The following SRGAP2 variants were observed in gnomAD, a reference collection of about 807,000 sequenced individuals.
SRGAP2 encodes SLIT-ROBO Rho GTPase-activating protein 2.
SRGAP2 carries 15 observed loss-of-function variants against 57.2 expected under a neutral mutation model. That is an observed-to-expected ratio of 0.26 (90% CI 0.18 to 0.40). The LOEUF (loss-of-function observed/expected upper bound fraction) is 0.40, where lower values mean the gene tolerates loss of function less well. Ranked by LOEUF, SRGAP2 falls within the 10% of genes least tolerant of loss-of-function variation. The pLI is 1.00. For synonymous variants in SRGAP2, 249 were observed against 248.0 expected (o/e 1.00, Z -0.04); for missense variants, 520 against 669.6 (o/e 0.78, Z 2.47).
chr1:206,247,657 AG>A (rs1306402443), intron 2 of SRGAP2, among the ~76,000 whole-genome samples: 2 of 135,974 alleles, frequency 1.5e-5, no homozygotes, highest in Non-Finnish European at 3.2e-5. Context: ...AATTAGTCCA[AG>A]GTCACATCAA....
intron 2 of SRGAP2, among the ~76,000 whole-genome samples, chr1:206,244,981 TTGAC>T (rs1245695123): frequency 3.4e-5 from 5 of 148,434 alleles, no homozygotes; most frequent in Non-Finnish European, 6.0e-5. Context: ...ACTGTGTACT[TTGAC>T]TGTTCAAGAT....
intron 2 of SRGAP2, among the ~76,000 whole-genome samples, chr1:206,284,688 G>GTCC (rs1449298453): frequency 5.9e-5 from 9 of 152,224 alleles, no homozygotes; most frequent in African/African-American, 1.9e-4. Context: ...ACTTCAAGTG[G>GTCC]TCCTCCCGCT....
intron 2 of SRGAP2, among the ~76,000 whole-genome samples, chr1:206,208,920 T>C (rs1666130164): frequency 6.6e-6 from 1 of 152,030 alleles, no homozygotes; most frequent in Non-Finnish European, 1.5e-5. Context: ...ATGACTTGTC[T>C]GAGCCTCAGT....
chr1:206,410,996 G>A (rs868965050), intron 10 of SRGAP2, among the ~76,000 whole-genome samples: 4 of 152,348 alleles, frequency 2.6e-5, no homozygotes, highest in African/African-American at 7.2e-5. Context: ...AAGTAGCTGG[G>A]ATTGCAGGCA....
At chr1:206,329,731 A>G (rs1395544298) in intron 3 of SRGAP2, among the ~76,000 whole-genome samples, 2 of 140,362 alleles carry the variant, frequency 1.4e-5, no homozygotes, top group Admixed American at 1.4e-4. Flanking sequence ...TTTCTAGATA[A>G]ACAATCATGT....
At chr1:206,339,543 C>G (rs1408796414) in intron 3 of SRGAP2, among the ~76,000 whole-genome samples, 1 of 152,160 alleles carries the variant, frequency 6.6e-6, no homozygotes, top group Non-Finnish European at 1.5e-5. Context: ...GCAGTGGTAT[C>G]TAATGCAGGG....
In SRGAP2 at chr1:206,446,071, C is replaced by T; in HGVS notation, c.1875-4C>T. The T allele has an allele frequency of 1.3e-6, 1 of 780,468 alleles. No homozygotes were observed. The highest frequency in any genetic ancestry group is 2.4e-6 in the Non-Finnish European group (1 of 417,570). 48.3% of individuals were successfully genotyped at this position (780,468 alleles called of 1,614,324 possible). On this transcript the variant is annotated splice_region_variant and splice_polypyrimidine_tract_variant and intron_variant, in intron 17 of 22. Coordinates refer to ENST00000573034, the MANE Select transcript of SRGAP2 (RefSeq NM_015326.5). ...CAGCTTGCCCCCTTTCCCTTCTCCT[C>T]CAGTTTATCACAGTTCAGTGAAGAG... is the stretch of plus-strand genomic sequence containing the variant.
intron 13 of SRGAP2, among the ~76,000 whole-genome samples, chr1:206,424,260 AC>A (rs1660600560): frequency 6.6e-6 from 1 of 152,074 alleles, no homozygotes; most frequent in African/African-American, 2.4e-5. Context: ...AGATTTCATT[AC>A]CAAAAAATAA....
At chr1:206,290,620 C>T (rs1304357661) in intron 2 of SRGAP2, among the ~76,000 whole-genome samples, 1 of 102,824 alleles carries the variant, frequency 9.7e-6, no homozygotes, top group African/African-American at 4.1e-5. Context: ...CCAGCCTGGG[C>T]AACAGAGCGA....
At chr1:206,208,817 GT>G (rs1272512398) in intron 2 of SRGAP2, among the ~76,000 whole-genome samples, 1 of 151,926 alleles carries the variant, frequency 6.6e-6, no homozygotes, top group Non-Finnish European at 1.5e-5. Context: ...ATGCAGTTTG[GT>G]TTGGTTGTTA....
In SRGAP2 at chr1:206,461,108, C is replaced by T. The variant is rs371974127; in HGVS notation, c.2904C>T (p.His968=). 1.5e-5 allele frequency: 12 copies of T among 775,852 alleles called. No individual in the cohort carries two copies. Among genetic ancestry groups the T allele is most frequent in the African/African-American group, 1.5e-4 (9 of 59,014 alleles). 48.1% of individuals were successfully genotyped at this position (775,852 alleles called of 1,614,324 possible). ...TAGAACGGCAGAGCAGTGTCAAACA[C>T]ACCCCTGACGTGGTTCTGGACACCT... ...RELERQSSVK[H]TPDVVLDTLE... is the part of the protein sequence containing the mutation. Residue 968 remains histidine, a synonymous_variant, in exon 23 of 23, where the codon CAC becomes CAT. Coordinates refer to ENST00000573034, the MANE Select transcript of SRGAP2 (RefSeq NM_015326.5).
chr1:206,247,149 G>A (rs556768859), intron 2 of SRGAP2, among the ~76,000 whole-genome samples: 3,816 of 147,950 alleles, frequency 0.026, 161 homozygotes, highest in African/African-American at 0.087. Context: ...TATAGAGGTG[G>A]CAATTGAGGA....
intron 5 of SRGAP2, among the ~76,000 whole-genome samples, chr1:206,384,463 G>A (rs1487723241): frequency 2.7e-5 from 4 of 150,912 alleles, no homozygotes; most frequent in African/African-American, 9.9e-5. Context: ...AGCCTTTATT[G>A]TTCTAGGTTT....
chr1:206,425,651 C>T (rs889744539), intron 13 of SRGAP2, among the ~76,000 whole-genome samples: 5 of 152,168 alleles, frequency 3.3e-5, no homozygotes, highest in African/African-American at 1.2e-4. Flanking sequence ...TCTCATGCCT[C>T]GACCTCCCAA....
chr1:206,239,837 AACAGTT>A lies in SRGAP2; in HGVS notation c.67+33804_67+33809del, dbSNP rs1668101566. Among the ~76,000 whole-genome samples the A allele has an allele frequency of 2.0e-5, 3 of 151,568 alleles. No homozygotes were observed. The South Asian group carries it at 6.3e-4, about 32-fold the overall frequency. ...GTGGCCAGTTTTTCCACATGTCTGC[AACAGTT>A]ACAATTTTTGACAGATATCTTGAGA... On this transcript the variant is annotated intron_variant, in intron 2 of 22. Transcript: ENST00000573034.
At chr1:206,413,973 T>C (rs17047478) in intron 10 of SRGAP2, among the ~76,000 whole-genome samples, 6,588 of 152,104 alleles carry the variant, frequency 0.043, 291 homozygotes, top group African/African-American at 0.11. Context: ...GTTCACACTG[T>C]ACAGAAAAGT....
intron 2 of SRGAP2, among the ~76,000 whole-genome samples, chr1:206,243,303 G>T (rs1668352058): frequency 7.7e-6 from 1 of 129,388 alleles, no homozygotes; most frequent in Non-Finnish European, 1.6e-5. Context: ...ACTGGACAGG[G>T]AATAAAACCA....
At chr1:206,355,202 C>T (rs2102969511) in intron 4 of SRGAP2, among the ~76,000 whole-genome samples, 1 of 152,268 alleles carries the variant, frequency 6.6e-6, no homozygotes, top group Non-Finnish European at 1.5e-5. Context: ...TTCCATGAAA[C>T]TGATTTGTTG....
intron 16 of SRGAP2, among the ~76,000 whole-genome samples, chr1:206,438,893 A>G (rs1553370944): frequency 6.6e-6 from 1 of 152,138 alleles, no homozygotes; most frequent in African/African-American, 2.4e-5. Flanking sequence ...ATCTGCCCTG[A>G]GTACTTGTCC....
Sources: gnomAD v4.1 joint callset for allele counts (sites outside exome capture counted in the v4.1 genomes callset) on GRCh38, gnomAD v4.1.1 for gene constraint, MANE v1.5 for transcripts, NCBI Gene and HGNC (gene_info 2026-07-23, HGNC 2026-07-21) for gene names.